The following PAM variants were observed in gnomAD, a reference collection of about 807,000 sequenced individuals.
PAM encodes peptidylglycine alpha-amidating monooxygenase, also known as peptidyl-glycine alpha-amidating monooxygenase.
Under a neutral mutation model 122.1 loss-of-function variants are expected in PAM, and 72 were observed. The observed-to-expected ratio is 0.59, with a 90% CI of 0.49 to 0.72. The LOEUF is 0.72. Among genes scored for constraint, PAM ranks in the 30% least tolerant of loss-of-function variants. The probability of loss-of-function intolerance (pLI) is 0.00; values close to 1 mark genes in which losing one functional copy is unlikely to be tolerated. For missense variants in PAM, 1,106 were observed against 1,183.7 expected, an observed-to-expected ratio of 0.93 and a Z score of 0.96; for synonymous variants, 389 against 404.4, an observed-to-expected ratio of 0.96 and a Z score of 0.46.
intron 20 of PAM, 71 bp from the exon 21 acceptor site, chr5:103,009,680 A>G (rs1033961102): frequency 8.5e-6 from 7 of 826,520 alleles, no homozygotes; most frequent in Non-Finnish European, 1.3e-5. Context: ...TTTGCATAAT[A>G]TACATGGATA....
intron 3 of PAM, among the ~76,000 whole-genome samples, chr5:102,900,776 G>C (rs937438935): frequency 6.6e-6 from 1 of 151,430 alleles, no homozygotes; most frequent in African/African-American, 2.4e-5. Flanking sequence ...TAATATATTT[G>C]ATAGTGAAAA....
Position 102,796,897 on chromosome 5 carries a change from A to G in PAM, c.-374+41549A>G, listed in dbSNP as rs1395995164. On this transcript the variant is annotated intron_variant, in intron 1 of 25. Transcript: ENST00000438793. ...AGGTGTGTCTAACACTTAACTCAGT[A>G]CCTGGTTGTACAAAGTGCTAAATGA... is the stretch of plus-strand genomic sequence containing the variant. 2.0e-5 allele frequency among the ~76,000 whole-genome samples: 3 copies of G among 152,228 alleles called. No individual in the cohort carries two copies. In the East Asian group the frequency reaches 5.8e-4, roughly 29 times the overall value.
At chr5:102,780,022 C>T (rs540915807) in intron 1 of PAM, among the ~76,000 whole-genome samples, 1 of 150,450 alleles carries the variant, frequency 6.6e-6, no homozygotes, top group East Asian at 2.0e-4. Flanking sequence ...TGGAGAGTTC[C>T]AGAAACAAAT....
intron 7 of PAM, among the ~76,000 whole-genome samples, chr5:102,936,909 T>C (rs2151856826): frequency 6.6e-6 from 1 of 152,252 alleles, no homozygotes; most frequent in East Asian, 1.9e-4. Flanking sequence ...ATTTTTTTCC[T>C]GTAGAACAGG....
At chr5:102,762,950 G>A (rs1468982958) in intron 1 of PAM, among the ~76,000 whole-genome samples, 1 of 152,202 alleles carries the variant, frequency 6.6e-6, no homozygotes, top group Non-Finnish European at 1.5e-5. Context: ...GGAGAGGAAA[G>A]TTTTAATGGT....
At position 102,974,272 on chromosome 5, in the gene PAM, C is replaced by T; in HGVS notation, c.1319C>T (p.Ala440Val). 2 of 1,614,010 alleles carry T rather than the reference C, an allele frequency of 1.2e-6. No homozygotes were observed. The highest frequency in any genetic ancestry group is 1.7e-6 in the Non-Finnish European group (2 of 1,179,942). ...VQKKDLGRSD[A>V]REGAEHERGN... ...AAAAAGGATCTTGGTCGATCTGATG[C>T]CAGAGAGGGTGCAGAACATGAGAGG... Residue 440 changes from alanine (A) to valine (V), a missense_variant, in exon 15 of 26, where the codon GCC (alanine) becomes GTC (valine). Coordinates refer to ENST00000438793, the MANE Select transcript of PAM (RefSeq NM_001177306.2).
intron 1 of PAM, among the ~76,000 whole-genome samples, chr5:102,855,674 G>T (rs916068013): frequency 6.6e-6 from 1 of 151,990 alleles, no homozygotes; most frequent in African/African-American, 2.4e-5. Flanking sequence ...ATATTAAAAT[G>T]CTTCAGGAAT....
At chr5:102,968,295 G>A (rs1764724579) in intron 14 of PAM, among the ~76,000 whole-genome samples, 1 of 152,172 alleles carries the variant, frequency 6.6e-6, no homozygotes, top group African/African-American at 2.4e-5. Flanking sequence ...AGGGAAACCT[G>A]AATCCAGTCT....
At chr5:102,947,347 A>G (rs1465213746) in intron 8 of PAM, among the ~76,000 whole-genome samples, 1 of 152,176 alleles carries the variant, frequency 6.6e-6, no homozygotes, top group Non-Finnish European at 1.5e-5. Context: ...TCTTTCAGTA[A>G]CCTAATGTTC....
intron 23 of PAM, among the ~76,000 whole-genome samples, chr5:103,022,702 C>A (rs1001756300): frequency 2.0e-5 from 3 of 152,016 alleles, no homozygotes; most frequent in Non-Finnish European, 4.4e-5. Flanking sequence ...TTCCAGAAAC[C>A]TAGTGTTCTG....
At chr5:102,804,609 T>C (rs1765729024) in intron 1 of PAM, among the ~76,000 whole-genome samples, 1 of 152,212 alleles carries the variant, frequency 6.6e-6, no homozygotes, top group Non-Finnish European at 1.5e-5. Flanking sequence ...CACTTTTCAG[T>C]CCTTGGAACA....
intron 7 of PAM, among the ~76,000 whole-genome samples, chr5:102,946,471 T>C (rs1182205275): frequency 6.6e-6 from 1 of 151,368 alleles, no homozygotes; most frequent in African/African-American, 2.4e-5. Context: ...TGGTGCAGCA[T>C]GGAGCAAACT....
chr5:102,919,841 A>G (rs1236942950), intron 5 of PAM, among the ~76,000 whole-genome samples: 3 of 152,118 alleles, frequency 2.0e-5, no homozygotes, highest in Non-Finnish European at 2.9e-5. Context: ...AATAATATTA[A>G]GGTACTTGGA....
intron 3 of PAM, among the ~76,000 whole-genome samples, chr5:102,891,905 A>G (rs747186712): frequency 4.6e-5 from 7 of 151,784 alleles, no homozygotes; most frequent in Non-Finnish European, 8.8e-5. Context: ...GTCAGGACCT[A>G]TTGTTTGCCT....
Position 102,766,926 on chromosome 5 carries a change from A to ATTTTT in PAM, c.-374+11605_-374+11609dup. Among the ~76,000 whole-genome samples, 125 of 25,852 alleles carry ATTTTT rather than the reference A, an allele frequency of 4.8e-3. 31 individuals are homozygous for ATTTTT. Among genetic ancestry groups the ATTTTT allele is most frequent in the African/African-American group, 6.4e-3 (47 of 7,366 alleles). 17.0% of individuals were successfully genotyped at this position (25,852 alleles called of 152,430 possible). On this transcript the variant is annotated intron_variant, in intron 1 of 25. Coordinates refer to ENST00000438793, the MANE Select transcript of PAM (RefSeq NM_001177306.2). Reference sequence around the variant, plus strand: ...ATTTATTTTATTGCTTCAGTTGTGGATTTTTTTTTTTTTTTTTTTTTTTTT... The same window carrying ATTTTT: ...ATTTATTTTATTGCTTCAGTTGTGGATTTTTTTTTTTTTTTTTTTTTTTTTTTTTT...
At chr5:102,916,521 G>A (rs1287789460) in intron 5 of PAM, among the ~76,000 whole-genome samples, 1 of 151,176 alleles carries the variant, frequency 6.6e-6, no homozygotes, top group Non-Finnish European at 1.5e-5. Context: ...AGCCCAACAC[G>A]TTTAAGTCTA....
chr5:102,755,170 G>GCGGCGGACCCGGCTGGGCC (rs1157509067), upstream of PAM: 9 of 152,438 alleles, frequency 5.9e-5, no homozygotes, highest in Non-Finnish European at 1.2e-4. Flanking sequence ...TCGAGGGCGA[G>GCGGCGGACCCGGCTGGGCC]CGGCGGACCC....
intron 1 of PAM, among the ~76,000 whole-genome samples, chr5:102,856,781 T>C (rs1782749717): frequency 6.6e-6 from 1 of 152,188 alleles, no homozygotes; most frequent in African/African-American, 2.4e-5. Context: ...CCTGAGATTT[T>C]TTTTCAGCAT....
chr5:102,880,454 A>G (rs934377080), intron 3 of PAM, among the ~76,000 whole-genome samples: 28 of 151,826 alleles, frequency 1.8e-4, no homozygotes, highest in Admixed American at 2.0e-4. Context: ...AGTTGACTAT[A>G]ATAATTAGAA....
Sources: allele counts gnomAD v4.1 joint callset (sites outside exome capture counted in the v4.1 genomes callset), GRCh38; gene constraint gnomAD v4.1.1; transcripts MANE v1.5; gene names NCBI Gene and HGNC (gene_info 2026-07-23, HGNC 2026-07-21).